Variants in SFSWAP observed in about 807,000 individuals in gnomAD.
The protein encoded by SFSWAP is splicing factor, suppressor of white-apricot homolog.
A neutral mutation model predicts 100.7 loss-of-function variants in SFSWAP; 17 were observed. The ratio of observed to expected loss-of-function variants is 0.17; its 90% confidence interval spans 0.12 to 0.25. The LOEUF is 0.25. Ranked by LOEUF, SFSWAP falls within the 10% of genes least tolerant of loss-of-function variation. The probability of loss-of-function intolerance (pLI) is 1.00; values close to 1 mark genes in which losing one functional copy is unlikely to be tolerated. For synonymous variants in SFSWAP, 504 were observed against 510.1 expected (o/e 0.99, Z 0.16); for missense variants, 1,005 against 1,262.6 (o/e 0.80, Z 3.09).
intron 4 of SFSWAP, among the ~76,000 whole-genome samples, chr12:131,724,426 AT>A (rs1184224114): frequency 2.6e-5 from 4 of 152,266 alleles, no homozygotes; most frequent in Non-Finnish European, 5.9e-5. Context: ...TTAATGAATA[AT>A]TGTAGACATC....
At chr12:131,754,603 T>C (rs1420499731) in intron 9 of SFSWAP, 104 bp downstream of exon 9, 1 of 690,960 alleles carries the variant, frequency 1.4e-6, no homozygotes, top group Non-Finnish European at 2.1e-6. Context: ...TATATATTTT[T>C]AAGCCTTTTC....
At chr12:131,768,900 G>A (rs1416970596) in intron 13 of SFSWAP, among the ~76,000 whole-genome samples, 1 of 152,138 alleles carries the variant, frequency 6.6e-6, no homozygotes. Context: ...AAGGCGGGTG[G>A]ATCGCTTGAG....
rs1009270862 is a variant in SFSWAP, at chr12:131,711,824, G to A, written c.218+377G>A. 2 of 232,424 alleles carry A rather than the reference G, an allele frequency of 8.6e-6. No individual in the cohort carries two copies. The highest frequency in any genetic ancestry group is 2.3e-5 in the African/African-American group (1 of 43,786). The allele number at this position is 232,424 out of a possible 1,614,324, so 14.4% of individuals were successfully genotyped here. On this transcript the variant is annotated intron_variant, in intron 1 of 17. Coordinates refer to ENST00000261674, the MANE Select transcript of SFSWAP (RefSeq NM_004592.4). This position sits in a 1 kb window ranked among gnomAD's most constrained non-coding sequence, Gnocchi z 4.9. ...GCCCGGCGATGCCATGGGGTCGTGC[G>A]CTGCTTTTCTACTTGCCGCGCTCTC...
At position 131,753,239 on chromosome 12, in the gene SFSWAP, G is replaced by A. The variant is rs776570609; in HGVS notation, c.1198G>A (p.Val400Met). The A allele has an allele frequency of 4.3e-6, 7 of 1,614,048 alleles. No homozygotes were observed. The highest frequency in any genetic ancestry group is 1.6e-4 in the Middle Eastern group (1 of 6,084). ...TTYYSTLPAG[V>M]TVSNSPGVTT... ...TTACTACAGCACCCTTCCTGCTGGC[G>A]TGACCGTGTCTAACTCCCCTGGAGT... is the stretch of plus-strand genomic sequence containing the variant. Residue 400 changes from valine (V) to methionine (M), a missense_variant, in exon 8 of 18, where the codon GTG becomes ATG. Val to Met is a conservative substitution (Grantham distance 21, BLOSUM62 1). Coordinates refer to ENST00000261674, the MANE Select transcript of SFSWAP (RefSeq NM_004592.4).
chr12:131,779,771 C>T (rs958024397), intron 14 of SFSWAP, among the ~76,000 whole-genome samples: 1 of 151,936 alleles, frequency 6.6e-6, no homozygotes, highest in Non-Finnish European at 1.5e-5. Context: ...GCTTTCTTTA[C>T]TTATTTATTT....
intron 11 of SFSWAP, among the ~76,000 whole-genome samples, chr12:131,758,720 G>C (rs1422686959): frequency 6.6e-6 from 1 of 152,236 alleles, no homozygotes; most frequent in Non-Finnish European, 1.5e-5. Context: ...GCCAGGGCAG[G>C]CAGATCACTT....
intron 4 of SFSWAP, among the ~76,000 whole-genome samples, chr12:131,723,533 T>C (rs1878679762): frequency 6.6e-6 from 1 of 152,096 alleles, no homozygotes; most frequent in African/African-American, 2.4e-5. Flanking sequence ...ATCTGATACT[T>C]ACTTAGGGCT....
chr12:131,774,112 A>G (rs140301199), intron 13 of SFSWAP, among the ~76,000 whole-genome samples: 1 of 152,236 alleles, frequency 6.6e-6, no homozygotes, highest in Non-Finnish European at 1.5e-5. Flanking sequence ...CCGCTGAGAC[A>G]GTGTGGCTGC....
At chr12:131,716,889 A>G (rs1221414427) in intron 3 of SFSWAP, among the ~76,000 whole-genome samples, 1 of 152,224 alleles carries the variant, frequency 6.6e-6, no homozygotes, top group Non-Finnish European at 1.5e-5. Flanking sequence ...GAACTTCAGC[A>G]TGACTTAGCT....
intron 3 of SFSWAP, among the ~76,000 whole-genome samples, chr12:131,715,161 G>A (rs1452542126): frequency 1.3e-5 from 2 of 152,122 alleles, no homozygotes; most frequent in African/African-American, 4.8e-5. Context: ...TGAATGCGTT[G>A]GATTATTTAT....
chr12:131,793,644 G>A (rs140262978), intron 15 of SFSWAP, among the ~76,000 whole-genome samples: 8 of 152,226 alleles, frequency 5.3e-5, no homozygotes, highest in Non-Finnish European at 8.8e-5. Context: ...TCTCTCAAAA[G>A]GCACAGTTAA....
Position 131,734,404 on chromosome 12 carries a change from A to C in SFSWAP, c.1081+5976A>C, listed in dbSNP as rs1407795643. Among the ~76,000 whole-genome samples, 15 of 152,224 alleles carry C rather than the reference A, an allele frequency of 9.9e-5. No homozygotes were observed. Among genetic ancestry groups the C allele is most frequent in the Admixed American group, 9.8e-4 (15 of 15,282 alleles). Reference sequence around the variant, plus strand: ...TGCAGGAGAAATGAGAAGAGGACTTAAGATCAAAAAGAGAGTGACTAGGAG... The same window carrying C: ...TGCAGGAGAAATGAGAAGAGGACTTCAGATCAAAAAGAGAGTGACTAGGAG... On this transcript the variant is annotated intron_variant, in intron 7 of 17. Coordinates refer to ENST00000261674, the MANE Select transcript of SFSWAP (RefSeq NM_004592.4). This position sits in a 1 kb window ranked among gnomAD's most constrained non-coding sequence, Gnocchi z 4.9.
intron 7 of SFSWAP, among the ~76,000 whole-genome samples, chr12:131,746,147 G>A (rs961273035): frequency 1.3e-5 from 2 of 152,218 alleles, no homozygotes; most frequent in African/African-American, 4.8e-5. Context: ...GAGATCTCAG[G>A]TGAGTATTGG....
chr12:131,750,620 A>G (rs1881537471), intron 7 of SFSWAP, among the ~76,000 whole-genome samples: 1 of 152,190 alleles, frequency 6.6e-6, no homozygotes, highest in African/African-American at 2.4e-5. Flanking sequence ...TTGTGGACCT[A>G]GGCTAGGATG....
intron 7 of SFSWAP, among the ~76,000 whole-genome samples, chr12:131,751,126 C>T (rs946997490): frequency 3.9e-5 from 6 of 152,102 alleles, no homozygotes; most frequent in Admixed American, 1.3e-4. Context: ...TAACAGTCTG[C>T]GTGTTCTTTA....
chr12:131,785,022 C>G, intron 14 of SFSWAP: 1 of 1,443,366 alleles, frequency 6.9e-7, no homozygotes, highest in Non-Finnish European at 9.2e-7. Context: ...TGGTAGCGCC[C>G]AGCCCAGCAC....
chr12:131,726,891 T>C, intron 5 of SFSWAP, 49 bp from the exon 6 acceptor site: 3 of 1,186,022 alleles, frequency 2.5e-6, no homozygotes, highest in Non-Finnish European at 3.7e-6. Flanking sequence ...TAATTTGTAC[T>C]TTTTTTCTCA....
intron 13 of SFSWAP, among the ~76,000 whole-genome samples, chr12:131,776,058 C>T (rs147318999): frequency 1.4e-3 from 211 of 152,222 alleles, no homozygotes; most frequent in Non-Finnish European, 2.4e-3. Flanking sequence ...GCTGAGATCA[C>T]GCCACTGCAC....
chr12:131,786,444 T>C lies in SFSWAP; in HGVS notation c.2409-19T>C. 1 of 1,581,456 alleles carries C rather than the reference T, an allele frequency of 6.3e-7. No homozygotes were observed. The highest frequency in any genetic ancestry group is 1.2e-5 in the South Asian group (1 of 86,744). The stretch of plus-strand genomic sequence containing the variant: ...CCAGCCAGGCCACAGAGCTGAACAC[T>C]GCCTCCTCCCCTGTCCAGGTCCCGC... On this transcript the variant is annotated intron_variant, in intron 14 of 17. Coordinates refer to ENST00000261674, the MANE Select transcript of SFSWAP (RefSeq NM_004592.4).
Sources: allele counts gnomAD v4.1 joint callset (sites outside exome capture counted in the v4.1 genomes callset), GRCh38; gene constraint gnomAD v4.1.1; non-coding constraint Gnocchi (gnomAD v3.1); transcripts MANE v1.5; gene names NCBI Gene and HGNC (gene_info 2026-07-23, HGNC 2026-07-21).